The following MPPED2 variants were observed in gnomAD, a reference collection of about 807,000 sequenced individuals.
MPPED2 encodes the protein metallophosphoesterase domain containing 2.
MPPED2 carries 5 observed loss-of-function variants against 33.0 expected under a neutral mutation model. The ratio of observed to expected loss-of-function variants is 0.15; its 90% CI spans 0.08 to 0.32. The LOEUF (loss-of-function observed/expected upper bound fraction) is 0.32. Among genes scored for constraint, MPPED2 ranks in the 10% least tolerant of loss-of-function variants. MPPED2 has a pLI of 1.00. For synonymous variants in MPPED2, 136 were observed against 141.9 expected (o/e 0.96, Z 0.29); for missense variants, 275 against 372.1 (o/e 0.74, Z 2.15).
chr11:30,586,954 A>G (rs1018837473), upstream of MPPED2: 1 of 151,296 alleles, frequency 6.6e-6, no homozygotes, highest in Non-Finnish European at 1.5e-5. This position sits in a 1 kb window ranked among gnomAD's most constrained non-coding sequence, Gnocchi z 4.8. Context: ...ACACACGCTC[A>G]CTCACTCACT....
chr11:30,520,981 T>C (rs1490868841), intron 3 of MPPED2, among the ~76,000 whole-genome samples: 1 of 152,030 alleles, frequency 6.6e-6, no homozygotes, highest in East Asian at 1.9e-4. Context: ...AAATAACATA[T>C]TGGAAAAATA....
chr11:30,538,183 T>C (rs970468843), intron 2 of MPPED2, among the ~76,000 whole-genome samples: 1 of 152,140 alleles, frequency 6.6e-6, no homozygotes, highest in Admixed American at 6.5e-5. Context: ...TATGAATAAA[T>C]GTAATATCTA....
chr11:30,561,837 C>A (rs1419298936), intron 2 of MPPED2, among the ~76,000 whole-genome samples: 1 of 152,134 alleles, frequency 6.6e-6, no homozygotes, highest in South Asian at 2.1e-4. Flanking sequence ...ATGCCAACAC[C>A]AATGATAGAG....
At chr11:30,559,453 T>C (rs954275313) in intron 2 of MPPED2, among the ~76,000 whole-genome samples, 2 of 152,224 alleles carry the variant, frequency 1.3e-5, no homozygotes, top group African/African-American at 4.8e-5. Context: ...TTTTGCTTTG[T>C]GGAAATTTAT....
At chr11:30,484,765 T>C (rs1263071942) in intron 4 of MPPED2, among the ~76,000 whole-genome samples, 2 of 152,170 alleles carry the variant, frequency 1.3e-5, no homozygotes, top group Non-Finnish European at 2.9e-5. Flanking sequence ...CTTTCTTAAA[T>C]GGTTTCTACG....
intron 3 of MPPED2, among the ~76,000 whole-genome samples, chr11:30,528,194 C>G (rs1954309756): frequency 6.6e-6 from 1 of 152,156 alleles, no homozygotes; most frequent in African/African-American, 2.4e-5. Context: ...CAGCCATTAA[C>G]AGTAGTTACA....
chr11:30,502,765 T>C (rs1052272832), intron 3 of MPPED2, among the ~76,000 whole-genome samples: 2 of 152,182 alleles, frequency 1.3e-5, no homozygotes, highest in African/African-American at 2.4e-5. Flanking sequence ...TGGGGGCACA[T>C]GTGCATCAGC....
chr11:30,510,639 G>A (rs893317567), intron 3 of MPPED2, among the ~76,000 whole-genome samples: 1 of 152,166 alleles, frequency 6.6e-6, no homozygotes, highest in African/African-American at 2.4e-5. Context: ...CCTCAGAGTG[G>A]AAGCTAAGGC....
intron 4 of MPPED2, among the ~76,000 whole-genome samples, chr11:30,433,478 C>T (rs1949175972): frequency 6.6e-6 from 1 of 152,172 alleles, no homozygotes; most frequent in South Asian, 2.1e-4. Flanking sequence ...CCTTATTTTA[C>T]AGATGAGGAA....
At chr11:30,522,932 A>G (rs1027666410) in intron 3 of MPPED2, among the ~76,000 whole-genome samples, 1 of 152,242 alleles carries the variant, frequency 6.6e-6, no homozygotes, top group Admixed American at 6.5e-5. Context: ...GAAAACAATT[A>G]TAAATTTAAA....
At chr11:30,488,961 T>C (rs562784790) in intron 4 of MPPED2, among the ~76,000 whole-genome samples, 10 of 152,312 alleles carry the variant, frequency 6.6e-5, no homozygotes, top group Admixed American at 6.5e-4. Context: ...GAACCAATAT[T>C]GTTTGCATAG....
At chr11:30,419,071 G>A (rs1038274990) in intron 4 of MPPED2, among the ~76,000 whole-genome samples, 3 of 152,120 alleles carry the variant, frequency 2.0e-5, no homozygotes, top group African/African-American at 7.2e-5. Context: ...CATGCCCGGG[G>A]TGCTTGCTTA....
intron 2 of MPPED2, among the ~76,000 whole-genome samples, chr11:30,542,810 C>T (rs1180412079): frequency 2.6e-5 from 4 of 152,130 alleles, no homozygotes; most frequent in Non-Finnish European, 5.9e-5. Context: ...ATAAGTAGAA[C>T]TCAGATTTTC....
At chr11:30,404,743 A>T (rs991509839) in intron 6 of MPPED2, among the ~76,000 whole-genome samples, 3 of 152,216 alleles carry the variant, frequency 2.0e-5, no homozygotes, top group African/African-American at 7.2e-5. Context: ...CTAGTTATAA[A>T]GACTCTTTCA....
chr11:30,563,493 C>G (rs1396121200), intron 2 of MPPED2, among the ~76,000 whole-genome samples: 1 of 151,978 alleles, frequency 6.6e-6, no homozygotes, highest in Non-Finnish European at 1.5e-5. Flanking sequence ...TCACTTAGTG[C>G]CAAAAAATGA....
chr11:30,553,407 G>A (rs1955812837), intron 2 of MPPED2, among the ~76,000 whole-genome samples: 1 of 152,082 alleles, frequency 6.6e-6, no homozygotes, highest in African/African-American at 2.4e-5. Context: ...AAAAATCCAA[G>A]ATTCAAAGCT....
chr11:30,549,604 G>A (rs2134611278), intron 2 of MPPED2, among the ~76,000 whole-genome samples: 1 of 152,214 alleles, frequency 6.6e-6, no homozygotes, highest in East Asian at 1.9e-4. Flanking sequence ...GGATAAGATG[G>A]AAAAGATTTA....
At chr11:30,497,543 A>T (rs1315211368) in intron 3 of MPPED2, among the ~76,000 whole-genome samples, 1 of 152,144 alleles carries the variant, frequency 6.6e-6, no homozygotes, top group Non-Finnish European at 1.5e-5. Flanking sequence ...CGATGATGGG[A>T]CTCACTGTAA....
chr11:30,512,769 G>A (rs1953293565), intron 3 of MPPED2, among the ~76,000 whole-genome samples: 1 of 152,210 alleles, frequency 6.6e-6, no homozygotes, highest in Admixed American at 6.5e-5. Context: ...GGAAGGTGGA[G>A]GCGGGCTGAT....
Sources: gnomAD v4.1 joint callset for allele counts (sites outside exome capture counted in the v4.1 genomes callset) on GRCh38, gnomAD v4.1.1 for gene constraint, Gnocchi (gnomAD v3.1) non-coding constraint, MANE v1.5 for transcripts, NCBI Gene and HGNC (gene_info 2026-07-23, HGNC 2026-07-21) for gene names.